The following ZNF850 variants were observed in gnomAD, a reference collection of about 807,000 sequenced individuals.
The protein encoded by ZNF850 is zinc finger protein 850.
ZNF850 carries 2 observed loss-of-function variants against 11.9 expected under a neutral mutation model. The observed-to-expected ratio is 0.17, with a 90% confidence interval of 0.07 to 0.53. ZNF850 has a LOEUF of 0.53. ZNF850 is among the 20% of genes least tolerant of loss of function. The pLI, the probability that ZNF850 is intolerant of heterozygous loss-of-function variation, is 0.94. For missense variants in ZNF850, 1,014 were observed against 1,316.4 expected (o/e 0.77, Z 3.55); for synonymous variants, 381 against 443.0 (o/e 0.86, Z 1.76).
At chr19:36,769,601 A>G (rs571504514) in intron 1 of ZNF850, among the ~76,000 whole-genome samples, 28 of 152,312 alleles carry the variant, frequency 1.8e-4, no homozygotes, top group Admixed American at 3.9e-4. Flanking sequence ...CCCTACCTCA[A>G]AAATAAAAAT....
In ZNF850 at chr19:36,748,429, A is replaced by C. The variant is rs2040427195; in HGVS notation, c.2611T>G (p.Cys871Gly). The change falls in exon 5 of 5, where the codon TGT becomes GGT. Residue 871 changes from cysteine to glycine, a missense_variant. Coordinates refer to ENST00000591344, the MANE Select transcript of ZNF850 (RefSeq NM_001193552.2). ...RIHTGEKPYH[C>G]KECGKSFAFR... ...GCAAAAGATTTTCCACATTCCTTAC[A>C]ATGATAGGGTTTCTCACCAGTGTGA... 1 of 1,560,928 alleles carries C rather than the reference A, an allele frequency of 6.4e-7. No individual in the cohort carries two copies. The highest frequency in any genetic ancestry group is 8.6e-7 in the Non-Finnish European group (1 of 1,158,296).
chr19:36,747,588 A>G lies in ZNF850; in HGVS notation c.*179T>C, dbSNP rs1042148967. 11 of 556,182 alleles carry G rather than the reference A, an allele frequency of 2.0e-5. No homozygotes were observed. The highest frequency in any genetic ancestry group is 3.2e-5 in the Non-Finnish European group (11 of 338,968). 34.5% of individuals were successfully genotyped at this position (556,182 alleles called of 1,614,324 possible). On this transcript the variant is annotated 3_prime_UTR_variant, in exon 5 of 5. Coordinates refer to ENST00000591344, the MANE Select transcript of ZNF850 (RefSeq NM_001193552.2). ...GAGGCAGAGCTTGCAGTGAGCCGAGATAGCGCCACTGCACTCCAGCCTGGG... is the reference window on the plus strand; with the variant it reads ...GAGGCAGAGCTTGCAGTGAGCCGAGGTAGCGCCACTGCACTCCAGCCTGGG...
At position 36,761,730 on chromosome 19, in the gene ZNF850, TAG is replaced by T. The variant is rs1177873006; in HGVS notation, c.146_147del (p.Ser49TyrfsTer5). ...AAGGAAATCACATCAGGCTTTGGGA[TAG>T]AGAGACCTGTTTATAAGAAAAGAAG... ...NYSSLVSLGL[S>X]IPKPDVISLL... On this transcript the variant is annotated frameshift_variant, in exon 4 of 5. Transcript: ENST00000591344. LOFTEE classifies it high-confidence loss of function. 31 of 1,532,868 alleles carry T rather than the reference TAG, an allele frequency of 2.0e-5. No homozygotes were observed. Among genetic ancestry groups the T allele is most frequent in the Non-Finnish European group, 2.7e-5 (31 of 1,138,592 alleles). The allele number at this position is 1,532,868 out of a possible 1,614,324, so 95.0% of individuals were successfully genotyped here. A position where few individuals can be genotyped will look rare whatever the true frequency, so the allele number is the denominator to read the frequency against.
At chr19:36,762,045 CAAAA>C (rs374193379) in intron 3 of ZNF850, among the ~76,000 whole-genome samples, 3 of 114,242 alleles carry the variant, frequency 2.6e-5, no homozygotes, top group African/African-American at 3.4e-5. Flanking sequence ...GACTTTGTCT[CAAAA>C]AAAAAAAAAA....
chr19:36,757,058 T>A (rs2040490905), intron 4 of ZNF850, among the ~76,000 whole-genome samples: 1 of 152,230 alleles, frequency 6.6e-6, no homozygotes. Flanking sequence ...TGTAGGCACA[T>A]TTTCATTTGA....
In ZNF850 at chr19:36,753,594, TAAA is replaced by T. The variant is rs1167959872; in HGVS notation, c.236-2793_236-2791del. On this transcript the variant is annotated intron_variant, in intron 4 of 4. Coordinates refer to ENST00000591344, the MANE Select transcript of ZNF850 (RefSeq NM_001193552.2). ...GGTGACCACGGGAGAACCTGTCTCT[TAAA>T]AAAAAATTATGCATGATGAAATCCC... is the stretch of plus-strand genomic sequence containing the variant. 4.7e-5 allele frequency among the ~76,000 whole-genome samples: 7 copies of T among 149,482 alleles called. No homozygotes were observed. The East Asian group carries it at 1.4e-3, about 29-fold the overall frequency.
chr19:36,744,664 T>A lies in ZNF850; in HGVS notation c.*3103A>T, dbSNP rs826984. On this transcript the variant is annotated 3_prime_UTR_variant, in exon 5 of 5. Coordinates refer to ENST00000591344, the MANE Select transcript of ZNF850 (RefSeq NM_001193552.2). ...AACTGTGAACTGTAAAAAGCACTCC[T>A]CCATCTTCACCCTCTCTGTATATAT... 43,741 of 152,018 alleles carry A rather than the reference T, an allele frequency of 0.29. 6,712 individuals carry two copies. The highest frequency in any genetic ancestry group is 0.35 in the Non-Finnish European group (24,088 of 67,980). The allele number at this position is 152,018 out of a possible 1,614,324, so 9.4% of individuals were successfully genotyped here. A position where few individuals can be genotyped will look rare whatever the true frequency, so the allele number is the denominator to read the frequency against.
intron 1 of ZNF850, among the ~76,000 whole-genome samples, chr19:36,771,678 T>C (rs1194220085): frequency 1.3e-5 from 2 of 152,080 alleles, no homozygotes; most frequent in African/African-American, 2.4e-5. Flanking sequence ...GCTCACAGTC[T>C]AAAGCATGTC....
At chr19:36,762,883 C>A (rs542576924) in intron 1 of ZNF850, among the ~76,000 whole-genome samples, 1 of 151,384 alleles carries the variant, frequency 6.6e-6, no homozygotes, top group Admixed American at 6.6e-5. Context: ...CCTCTTGTTT[C>A]ATTTTTTTGT....
In ZNF850 at chr19:36,747,529, G is replaced by C. The variant is rs3108592; in HGVS notation, c.*238C>G. On this transcript the variant is annotated 3_prime_UTR_variant, in exon 5 of 5. Transcript: ENST00000591344. The stretch of plus-strand genomic sequence containing the variant: ...CAGGTACCTGTAGTCCCAGCTACTA[G>C]GGAGGCTGAGGCAGGAGAATGGCAT... 253,407 of 349,094 alleles carry C rather than the reference G, an allele frequency of 0.73. 92,745 individuals carry two copies. Among genetic ancestry groups the C allele is most frequent in the East Asian group, 0.81 (17,483 of 21,694 alleles). The allele number at this position is 349,094 out of a possible 1,614,324, so 21.6% of individuals were successfully genotyped here.
At chr19:36,771,906 C>G (rs2040586883) in intron 1 of ZNF850, among the ~76,000 whole-genome samples, 1 of 152,192 alleles carries the variant, frequency 6.6e-6, no homozygotes, top group African/African-American at 2.4e-5. Flanking sequence ...AGCCATACCG[C>G]CCAGACCCCT....
In ZNF850 at chr19:36,748,491, A is replaced by G; in HGVS notation, c.2549T>C (p.Phe850Ser). 1 of 1,540,560 alleles carries G rather than the reference A, an allele frequency of 6.5e-7. No homozygotes were observed. Among genetic ancestry groups the G allele is most frequent in the Non-Finnish European group, 8.7e-7 (1 of 1,147,982 alleles). Residue 850 changes from phenylalanine to serine, a missense_variant, in exon 5 of 5, where the codon TTT (phenylalanine) becomes TCT (serine). This residue lies in a region of ZNF850 where 835 missense variants were observed against 1,022.0 expected (regional missense o/e 0.82). Coordinates refer to ENST00000591344, the MANE Select transcript of ZNF850 (RefSeq NM_001193552.2). ...RYSCKECGKSFTSRSTLIEHQ... is the reference protein window; with the variant it reads ...RYSCKECGKSSTSRSTLIEHQ... ...TTCAATTAGTGTTGAGCGAGAAGTAAAAGATTTCCCACATTCTTTACAACT... is the reference window on the plus strand; with the variant it reads ...TTCAATTAGTGTTGAGCGAGAAGTAGAAGATTTCCCACATTCTTTACAACT...
At chr19:36,764,596 T>C (rs1049719189) in intron 1 of ZNF850, among the ~76,000 whole-genome samples, 1 of 152,218 alleles carries the variant, frequency 6.6e-6, no homozygotes, top group African/African-American at 2.4e-5. Context: ...TAGTCTTCCT[T>C]TGGATATAAA....
chr19:36,768,013 C>A (rs1408958059), intron 1 of ZNF850, among the ~76,000 whole-genome samples: 2 of 152,192 alleles, frequency 1.3e-5, no homozygotes, highest in Non-Finnish European at 2.9e-5. Flanking sequence ...ATAATCCCAG[C>A]ACTTTGGGAT....
chr19:36,768,797 T>C (rs1024799529), intron 1 of ZNF850, among the ~76,000 whole-genome samples: 1 of 151,748 alleles, frequency 6.6e-6, no homozygotes, highest in African/African-American at 2.4e-5. Flanking sequence ...ACCCTGTCTG[T>C]GCAAACAATA....
At chr19:36,753,456 G>A (rs1352166999) in intron 4 of ZNF850, among the ~76,000 whole-genome samples, 1 of 133,836 alleles carries the variant, frequency 7.5e-6, no homozygotes. Context: ...AGCCGGGTGT[G>A]GTGGCACATG....
At position 36,753,274 on chromosome 19, in the gene ZNF850, A is replaced by G. The variant is rs77346204; in HGVS notation, c.236-2470T>C. ...ACAGAGCGAGACTTCATCTCAGGAA[A>G]AAAAAAAAAAAAAAAAAAGTAAAAG... On this transcript the variant is annotated intron_variant, in intron 4 of 4. Transcript: ENST00000591344. Among the ~76,000 whole-genome samples, 8 of 148,276 alleles carry G rather than the reference A, an allele frequency of 5.4e-5. No homozygotes were observed. In the East Asian group the frequency reaches 1.6e-3, roughly 29 times the overall value.
rs1290469303 is a variant in ZNF850 at position 36,748,715 on chromosome 19, A to C, written c.2325T>G (p.His775Gln). The change falls in exon 5 of 5, where the codon CAT becomes CAG. Residue 775 changes from histidine to glutamine, a missense_variant. Transcript: ENST00000591344. ...GCTTCTCACCAGTGTGTATTTGCTG[A>C]TGTTGAATTAGTGTTGAGTGAGAAG... ...SFTSHSTLIQHQQIHTGEKLY... is the reference protein window; with the variant it reads ...SFTSHSTLIQQQQIHTGEKLY... 2 of 1,539,618 alleles carry C rather than the reference A, an allele frequency of 1.3e-6. No homozygotes were observed. The highest frequency in any genetic ancestry group is 2.4e-5 in the East Asian group (1 of 40,964).
Position 36,753,422 on chromosome 19 carries a change from C to CAAAAAAAAAA in ZNF850, c.236-2628_236-2619dup, listed in dbSNP as rs58851544. 4.7e-3 allele frequency among the ~76,000 whole-genome samples: 219 copies of CAAAAAAAAAA among 46,628 alleles called. 48 individuals are homozygous for CAAAAAAAAAA. The highest frequency in any genetic ancestry group is 0.011 in the South Asian group (6 of 570). The allele number at this position is 46,628 out of a possible 152,430, so 30.6% of individuals were successfully genotyped here. A position where few individuals can be genotyped will look rare whatever the true frequency, so the allele number is the denominator to read the frequency against. On this transcript the variant is annotated intron_variant, in intron 4 of 4. Transcript: ENST00000591344. ...TGGGCAACAGCCTGGGACACTGTCT[C>CAAAAAAAAAA]AAAAAAAAAAAAAAAAAAAAAAAAG... is the stretch of plus-strand genomic sequence containing the variant.
Sources: allele counts gnomAD v4.1 joint callset (sites outside exome capture counted in the v4.1 genomes callset), GRCh38; gene constraint gnomAD v4.1.1; regional missense constraint gnomAD v4.1.1; transcripts MANE v1.5; gene names NCBI Gene and HGNC (gene_info 2026-07-23, HGNC 2026-07-21).